SPATA13: variants seen among roughly 807,000 people sequenced by gnomAD.
The protein encoded by SPATA13 is spermatogenesis associated 13, also known as spermatogenesis-associated protein 13.
In SPATA13, 50 loss-of-function variants were observed where a neutral mutation model predicts 104.0. The ratio of observed to expected loss-of-function variants is 0.48; its 90% CI spans 0.38 to 0.61. The LOEUF (loss-of-function observed/expected upper bound fraction) is 0.61. SPATA13 is among the 20% of genes least tolerant of loss of function. The probability of loss-of-function intolerance (pLI) is 0.00; values close to 1 mark genes in which losing one functional copy is unlikely to be tolerated. For missense variants in SPATA13, 1,524 were observed against 1,690.6 expected (o/e 0.90, Z 1.73); for synonymous variants, 606 against 667.5 (o/e 0.91, Z 1.42).
At chr13:24,097,926 G>A (rs1434478966) in intron 3 of SPATA13, among the ~76,000 whole-genome samples, 1 of 152,204 alleles carries the variant, frequency 6.6e-6, no homozygotes, top group Non-Finnish European at 1.5e-5. Context: ...ACAGAGTCAG[G>A]AAGTTTCAGA....
chr13:24,063,800 T>C lies in SPATA13; in HGVS notation c.-112+46099T>C, dbSNP rs1878857554. ...CGGCACATGTCATCCAGCTTTCTTC[T>C]CTTAGTCGCTGTCCTGAATTTGTGT... is the stretch of plus-strand genomic sequence containing the variant. On this transcript the variant is annotated intron_variant, in intron 3 of 14. Coordinates refer to the SPATA13 transcript ENST00000424834. Among the ~76,000 whole-genome samples the C allele has an allele frequency of 1.3e-5, 2 of 152,128 alleles. 1 individual carries two copies. Among genetic ancestry groups the C allele is most frequent in the Middle Eastern group, 6.3e-3 (2 of 316 alleles).
In SPATA13 at chr13:24,305,879, A is replaced by T. The variant is rs747602579; in HGVS notation, c.*3106A>T. 12 of 152,346 alleles carry T rather than the reference A, an allele frequency of 7.9e-5. No homozygotes were observed. The highest frequency in any genetic ancestry group is 2.2e-4 in the African/African-American group (9 of 41,578). The allele number at this position is 152,346 out of a possible 1,614,324, so 9.4% of individuals were successfully genotyped here. On this transcript the variant is annotated 3_prime_UTR_variant, in exon 13 of 13. Transcript: ENST00000382108. ...ACCCTGCCGTAGATTAAAAGCAATTATAAAATCATAAAATTGAATGTTTGC... is the reference window on the plus strand; with the variant it reads ...ACCCTGCCGTAGATTAAAAGCAATTTTAAAATCATAAAATTGAATGTTTGC...
chr13:24,254,793 A>T (rs1262049442), intron 4 of SPATA13, among the ~76,000 whole-genome samples: 2 of 149,066 alleles, frequency 1.3e-5, no homozygotes, highest in African/African-American at 2.4e-5. Flanking sequence ...CATTTTTGCC[A>T]CCATGGCCTT....
chr13:24,119,095 G>C (rs1333776507), intron 3 of SPATA13, among the ~76,000 whole-genome samples: 1 of 151,998 alleles, frequency 6.6e-6, no homozygotes, highest in African/African-American at 2.4e-5. Flanking sequence ...TTTTAGTAGA[G>C]ACAAGGTTTT....
At chr13:24,034,034 GC>G (rs1877585605) in intron 3 of SPATA13, 1 of 152,102 alleles carries the variant, frequency 6.6e-6, no homozygotes, top group African/African-American at 2.4e-5. Flanking sequence ...ATTGTTGTGG[GC>G]ACACTTTCAA....
At chr13:24,064,867 C>T (rs1301831248) in intron 3 of SPATA13, among the ~76,000 whole-genome samples, 1 of 152,024 alleles carries the variant, frequency 6.6e-6, no homozygotes, top group Non-Finnish European at 1.5e-5. Flanking sequence ...GCCTCATGTC[C>T]AGTCTAATTA....
chr13:24,208,570 G>T (rs1870838511), intron 1 of SPATA13, among the ~76,000 whole-genome samples: 2 of 86,722 alleles, frequency 2.3e-5, no homozygotes, highest in Non-Finnish European at 4.9e-5. Flanking sequence ...AGATCAAGAA[G>T]ACTGGTGGGG....
At chr13:24,232,681 T>G (rs1367797987) in intron 2 of SPATA13, among the ~76,000 whole-genome samples, 1 of 152,136 alleles carries the variant, frequency 6.6e-6, no homozygotes, top group African/African-American at 2.4e-5. Context: ...ACCCAGTAGC[T>G]GGGACTACAG....
intron 3 of SPATA13, among the ~76,000 whole-genome samples, chr13:24,113,560 A>G (rs1290997757): frequency 1.3e-5 from 2 of 151,580 alleles, no homozygotes. Context: ...AAACAAGCAT[A>G]TTATCTTTTT....
chr13:24,065,461 C>T (rs1878922242), intron 3 of SPATA13, among the ~76,000 whole-genome samples: 1 of 152,202 alleles, frequency 6.6e-6, no homozygotes, highest in Admixed American at 6.5e-5. Context: ...ATACAGCCAC[C>T]TGTAGCTCTG....
At chr13:24,284,967 C>T (rs1261713762) in intron 5 of SPATA13, among the ~76,000 whole-genome samples, 1 of 152,164 alleles carries the variant, frequency 6.6e-6, no homozygotes, top group Non-Finnish European at 1.5e-5. Context: ...TGTATTTCTC[C>T]CTCCAAATCT....
chr13:24,108,693 G>A (rs1027022735), intron 3 of SPATA13, among the ~76,000 whole-genome samples: 9 of 151,998 alleles, frequency 5.9e-5, no homozygotes, highest in African/African-American at 2.2e-4. Context: ...GGACCCCTAG[G>A]CTGCATCCAG....
Position 24,065,342 on chromosome 13 carries a change from A to T in SPATA13, c.-112+47641A>T, listed in dbSNP as rs553953688. Among the ~76,000 whole-genome samples, 214 of 152,252 alleles carry T rather than the reference A, an allele frequency of 1.4e-3. 2 individuals carry two copies. Among genetic ancestry groups the T allele is most frequent in the Admixed American group, 5.8e-3 (89 of 15,290 alleles). On this transcript the variant is annotated intron_variant, in intron 3 of 14. Transcript: ENST00000424834. ...TGGAGAAGGTTGTATGAGGGGTAGC[A>T]GATGGGAGGCAGAGCATGTGTGGGA...
chr13:24,220,826 A>G (rs1450813059), intron 1 of SPATA13, among the ~76,000 whole-genome samples: 1 of 152,190 alleles, frequency 6.6e-6, no homozygotes, highest in East Asian at 1.9e-4. Context: ...CTCACTGGAA[A>G]TGATGTAGGG....
At chr13:24,283,666 A>G (rs1875713038) in intron 4 of SPATA13, among the ~76,000 whole-genome samples, 1 of 152,258 alleles carries the variant, frequency 6.6e-6, no homozygotes, top group South Asian at 2.1e-4. Context: ...AGTAAGAATG[A>G]TGGCACTTTT....
At chr13:24,288,907 C>A in intron 7 of SPATA13, 92 bp from the exon 8 acceptor site, 1 of 1,136,858 alleles carries the variant, frequency 8.8e-7, no homozygotes, top group Non-Finnish European at 1.2e-6. Flanking sequence ...AAAATTCATT[C>A]CAAGTTCATG....
At chr13:24,057,586 T>C (rs2137750235) in intron 3 of SPATA13, among the ~76,000 whole-genome samples, 1 of 146,706 alleles carries the variant, frequency 6.8e-6, no homozygotes. Flanking sequence ...TTGATTTACC[T>C]TGTTGGGGCA....
Position 24,066,475 on chromosome 13 carries a change from T to C in SPATA13, c.-112+48774T>C, listed in dbSNP as rs190711330. On this transcript the variant is annotated intron_variant, in intron 3 of 14. Transcript: ENST00000424834. ...TTCCCAGCTTCAAGCCTAGGACTCT[T>C]GCCATGGTAGACCAGCTGCCAAACA... Among the ~76,000 whole-genome samples, 3 of 152,308 alleles carry C rather than the reference T, an allele frequency of 2.0e-5. No individual in the cohort carries two copies. In the East Asian group the frequency reaches 5.8e-4, roughly 29 times the overall value.
rs190395237 is a variant in SPATA13 at position 24,224,795 on chromosome 13, C to T, written c.1653+213C>T. On this transcript the variant is annotated intron_variant, in intron 2 of 12. Transcript: ENST00000382108. Reference sequence around the variant, plus strand: ...TCCTTTGAAATAAATTGACAATGTACGAGATTCATTGAGATGACATTTGCC... The same window carrying T: ...TCCTTTGAAATAAATTGACAATGTATGAGATTCATTGAGATGACATTTGCC... 126 of 645,308 alleles carry T rather than the reference C, an allele frequency of 2.0e-4. No individual in the cohort carries two copies. In the East Asian group the frequency reaches 3.0e-3, roughly 15 times the overall value. The allele number at this position is 645,308 out of a possible 1,614,324, so 40.0% of individuals were successfully genotyped here. A position where few individuals can be genotyped will look rare whatever the true frequency, so the allele number is the denominator to read the frequency against.
Sources: allele counts gnomAD v4.1 joint callset (sites outside exome capture counted in the v4.1 genomes callset), GRCh38; gene constraint gnomAD v4.1.1; transcripts MANE v1.5; gene names NCBI Gene and HGNC (gene_info 2026-07-23, HGNC 2026-07-21).